UBR1: variants seen among roughly 807,000 people sequenced by gnomAD.
UBR1 encodes the protein ubiquitin protein ligase E3 component n-recognin 1, also known as E3 ubiquitin-protein ligase UBR1.
UBR1 carries 102 observed loss-of-function variants against 242.1 expected under a neutral mutation model. The ratio of observed to expected loss-of-function variants is 0.42; its 90% CI spans 0.36 to 0.50. The LOEUF (loss-of-function observed/expected upper bound fraction) is 0.50, where lower values mean the gene tolerates loss of function less well. Among genes scored for constraint, UBR1 ranks in the 20% least tolerant of loss-of-function variants. The probability of loss-of-function intolerance (pLI) is 0.01; values close to 1 mark genes in which losing one functional copy is unlikely to be tolerated. For missense variants in UBR1, 1,772 were observed against 2,101.8 expected, an observed-to-expected ratio of 0.84 and a Z score of 3.07; for synonymous variants, 675 against 684.8, an observed-to-expected ratio of 0.99 and a Z score of 0.22.
chr15:43,000,492 G>T (rs992896547), intron 32 of UBR1, among the ~76,000 whole-genome samples: 1 of 152,220 alleles, frequency 6.6e-6, no homozygotes, highest in Non-Finnish European at 1.5e-5. Flanking sequence ...AAATTGGAAA[G>T]TCACTTTATT....
intron 35 of UBR1, among the ~76,000 whole-genome samples, chr15:42,987,002 T>G (rs1381548099): frequency 6.6e-6 from 1 of 152,238 alleles, no homozygotes; most frequent in Non-Finnish European, 1.5e-5. Context: ...TGGGTATCCT[T>G]GGAAGGCACA....
intron 36 of UBR1, among the ~76,000 whole-genome samples, chr15:42,984,466 T>C (rs1005717926): frequency 6.6e-6 from 1 of 152,212 alleles, no homozygotes; most frequent in South Asian, 2.1e-4. Flanking sequence ...AGTCCTACAG[T>C]AGTGTCAGTA....
At chr15:43,076,073 C>G (rs371652631) in intron 3 of UBR1, among the ~76,000 whole-genome samples, 3 of 151,968 alleles carry the variant, frequency 2.0e-5, no homozygotes, top group Non-Finnish European at 4.4e-5. Context: ...GCAACCTCCC[C>G]GCCTGATTCT....
chr15:43,081,039 T>A (rs547286523), intron 3 of UBR1, among the ~76,000 whole-genome samples: 1 of 152,318 alleles, frequency 6.6e-6, no homozygotes, highest in Non-Finnish European at 1.5e-5. Flanking sequence ...TGTTGTTGGA[T>A]CATATGATAA....
intron 3 of UBR1, among the ~76,000 whole-genome samples, chr15:43,081,647 C>A (rs1003816938): frequency 1.3e-5 from 2 of 151,890 alleles, no homozygotes; most frequent in Non-Finnish European, 2.9e-5. Context: ...ATATTTTGTC[C>A]ATTTTTTAAA....
intron 1 of UBR1, among the ~76,000 whole-genome samples, chr15:43,088,799 T>C (rs1242131216): frequency 1.3e-5 from 2 of 151,980 alleles, no homozygotes; most frequent in Non-Finnish European, 2.9e-5. Context: ...CAATGTTACA[T>C]TGTTTGACTT....
intron 36 of UBR1, 55 bp from the exon 37 acceptor site, chr15:42,984,048 GT>G (rs1024737026): frequency 1.7e-5 from 24 of 1,402,326 alleles, no homozygotes; most frequent in Non-Finnish European, 2.3e-5. Context: ...AGAGACCTAA[GT>G]CATCCACTTA....
At chr15:43,016,871 T>G (rs1317234903) in intron 28 of UBR1, among the ~76,000 whole-genome samples, 1 of 152,226 alleles carries the variant, frequency 6.6e-6, no homozygotes, top group Admixed American at 6.5e-5. Flanking sequence ...CTCTACGATA[T>G]ATCAATTTCT....
At chr15:43,013,867 C>T (rs1301023038) in intron 29 of UBR1, among the ~76,000 whole-genome samples, 2 of 152,248 alleles carry the variant, frequency 1.3e-5, no homozygotes, top group East Asian at 3.9e-4. Context: ...TCCTCCTCCC[C>T]TTCCCCCTCC....
intron 44 of UBR1, among the ~76,000 whole-genome samples, chr15:42,953,801 T>A (rs1363288080): frequency 6.6e-6 from 1 of 151,922 alleles, no homozygotes; most frequent in African/African-American, 2.4e-5. Context: ...AGTGGTAATA[T>A]CATCCAGAAG....
intron 4 of UBR1, among the ~76,000 whole-genome samples, chr15:43,072,025 G>A (rs1406121452): frequency 1.3e-5 from 2 of 152,130 alleles, no homozygotes; most frequent in Admixed American, 6.6e-5. Context: ...AGGACTATAG[G>A]CATGTGCTAC....
chr15:42,970,028 A>G (rs1008308039), intron 40 of UBR1, among the ~76,000 whole-genome samples: 3 of 152,254 alleles, frequency 2.0e-5, no homozygotes, highest in Non-Finnish European at 1.5e-5. Flanking sequence ...AAGAGCCCGT[A>G]TAGCCAAGAC....
At chr15:43,064,758 T>C (rs2033732335) in intron 6 of UBR1, among the ~76,000 whole-genome samples, 1 of 152,002 alleles carries the variant, frequency 6.6e-6, no homozygotes, top group African/African-American at 2.4e-5. Flanking sequence ...GTATTTTTAG[T>C]AGAGATGGGG....
intron 37 of UBR1, among the ~76,000 whole-genome samples, chr15:42,979,593 C>T (rs985863612): frequency 6.6e-6 from 1 of 152,134 alleles, no homozygotes; most frequent in Non-Finnish European, 1.5e-5. Context: ...CTCTGTCCCC[C>T]AGGCTGGAGT....
chr15:43,025,439 A>C lies in UBR1; in HGVS notation c.2536-10T>G. 2 of 1,593,896 alleles carry C rather than the reference A, an allele frequency of 1.3e-6. No individual in the cohort carries two copies. Among genetic ancestry groups the C allele is most frequent in the Admixed American group, 3.4e-5 (2 of 59,626 alleles). The stretch of plus-strand genomic sequence containing the variant: ...TCTGCATATGTTCAGCCTATAAAAA[A>C]ATCTATCATTAAATATACTGCTTTG... On this transcript the variant is annotated splice_polypyrimidine_tract_variant and intron_variant, in intron 23 of 46. Coordinates refer to ENST00000290650, the MANE Select transcript of UBR1 (RefSeq NM_174916.3).
chr15:43,008,787 C>T (rs137860945), intron 29 of UBR1, among the ~76,000 whole-genome samples: 156 of 152,356 alleles, frequency 1.0e-3, no homozygotes, highest in African/African-American at 3.6e-3. Context: ...ATGGAGACTA[C>T]AGCTGCAGGA....
chr15:43,036,539 T>G lies in UBR1; in HGVS notation c.2077A>C (p.Ile693Leu). ...ATTTAAATAGGTACCTGAAGCATGA[T>G]GATATCTTTATCATACATTTCTTCT... ...CREEMYDKDI[I>L]MLQIGASLMD... Residue 693 changes from isoleucine to leucine, a missense_variant, in exon 18 of 47, where the codon ATC (isoleucine) becomes CTC (leucine). Ile to Leu is a conservative substitution (Grantham distance 5). Coordinates refer to ENST00000290650, the MANE Select transcript of UBR1 (RefSeq NM_174916.3). The G allele has an allele frequency of 6.3e-7, 1 of 1,597,012 alleles. No individual in the cohort carries two copies. The highest frequency in any genetic ancestry group is 8.6e-7 in the Non-Finnish European group (1 of 1,164,718).
intron 39 of UBR1, among the ~76,000 whole-genome samples, chr15:42,975,971 G>T (rs1265339567): frequency 1.3e-5 from 2 of 152,104 alleles, no homozygotes; most frequent in Admixed American, 1.3e-4. Context: ...TCCTGCCTTG[G>T]CCTCCCAAAG....
chr15:43,069,415 C>G (rs1483798518), intron 5 of UBR1, among the ~76,000 whole-genome samples: 1 of 151,890 alleles, frequency 6.6e-6, no homozygotes, highest in Admixed American at 6.6e-5. Flanking sequence ...CAGCTGGGAC[C>G]ACGGGGGCCC....
Sources: gnomAD v4.1 joint callset for allele counts (sites outside exome capture counted in the v4.1 genomes callset) on GRCh38, gnomAD v4.1.1 for gene constraint, MANE v1.5 for transcripts, NCBI Gene and HGNC (gene_info 2026-07-23, HGNC 2026-07-21) for gene names.